Variants in TMEM132D observed in about 807,000 individuals in gnomAD.
TMEM132D encodes the protein mature OL transmembrane protein.
In TMEM132D, 21 loss-of-function variants were observed where a neutral mutation model predicts 62.3. The observed-to-expected ratio is 0.34, with a 90% confidence interval of 0.24 to 0.49. The LOEUF (loss-of-function observed/expected upper bound fraction) is 0.49. Among genes scored for constraint, TMEM132D ranks in the 20% least tolerant of loss-of-function variants. TMEM132D has a pLI of 0.99. For synonymous variants in TMEM132D, 621 were observed against 575.6 expected (o/e 1.08, Z -1.13); for missense variants, 1,346 against 1,402.8 (o/e 0.96, Z 0.65).
chr12:129,530,973 G>T, intron 3 of TMEM132D, 86 bp downstream of exon 3: 4 of 1,361,320 alleles, frequency 2.9e-6, no homozygotes, highest in Non-Finnish European at 3.0e-6. Flanking sequence ...CAGTGGAAAT[G>T]GTTGTTAGCA....
In TMEM132D at chr12:129,717,218, G is replaced by A. The variant is rs563221290; in HGVS notation, c.80-16520C>T. On this transcript the variant is annotated intron_variant, in intron 1 of 8. Transcript: ENST00000422113. Reference sequence around the variant, plus strand: ...TAATCCAGGAAGGCCATTTCTCTGTGTACAGATGAAGAAATTTAATCTACA... The same window carrying A: ...TAATCCAGGAAGGCCATTTCTCTGTATACAGATGAAGAAATTTAATCTACA... Among the ~76,000 whole-genome samples the A allele has an allele frequency of 3.3e-5, 5 of 152,272 alleles. No individual in the cohort carries two copies. The South Asian group carries it at 1.0e-3, about 32-fold the overall frequency.
At chr12:129,541,239 C>A (rs183589860) in intron 2 of TMEM132D, among the ~76,000 whole-genome samples, 1 of 152,130 alleles carries the variant, frequency 6.6e-6, no homozygotes, top group Non-Finnish European at 1.5e-5. Flanking sequence ...AAGGGAAATA[C>A]GTAGACATAC....
rs139848625 is a variant in TMEM132D, at chr12:129,241,826, T to C, written c.1300-32163A>G. On this transcript the variant is annotated intron_variant, in intron 4 of 8. Coordinates refer to ENST00000422113, the MANE Select transcript of TMEM132D (RefSeq NM_133448.3). ...CAAAACAGTAGTCTTCAGTTCCTAA[T>C]AGAATGCTTGGAGAGGAGATTATCA... Among the ~76,000 whole-genome samples the C allele has an allele frequency of 1.5e-3, 233 of 152,326 alleles. 3 individuals carry two copies. The highest frequency in any genetic ancestry group is 5.5e-3 in the African/African-American group (227 of 41,574).
intron 1 of TMEM132D, among the ~76,000 whole-genome samples, chr12:129,803,728 T>C: frequency 6.6e-6 from 1 of 151,618 alleles, no homozygotes; most frequent in Non-Finnish European, 1.5e-5. Flanking sequence ...AAAAAACCCT[T>C]CAAAAAATTA....
intron 2 of TMEM132D, among the ~76,000 whole-genome samples, chr12:129,643,833 A>C (rs1879701599): frequency 6.7e-6 from 1 of 148,836 alleles, no homozygotes; most frequent in South Asian, 2.2e-4. Context: ...AATTCCGAAC[A>C]GAACCAATGT....
At chr12:129,239,266 T>G (rs979447032) in intron 4 of TMEM132D, among the ~76,000 whole-genome samples, 1 of 152,248 alleles carries the variant, frequency 6.6e-6, no homozygotes, top group Non-Finnish European at 1.5e-5. Flanking sequence ...TTTTATGTGT[T>G]TAAGAAATCC....
intron 2 of TMEM132D, among the ~76,000 whole-genome samples, chr12:129,544,713 A>G (rs1876683118): frequency 6.6e-6 from 1 of 152,244 alleles, no homozygotes; most frequent in Admixed American, 6.5e-5. Flanking sequence ...AAGAAAAGAA[A>G]TGAAAAGAAA....
chr12:129,340,581 G>C (rs1297967712), intron 3 of TMEM132D, among the ~76,000 whole-genome samples: 1 of 151,718 alleles, frequency 6.6e-6, no homozygotes, highest in Non-Finnish European at 1.5e-5. Flanking sequence ...CCTTGCAATA[G>C]TTCACTGAGA....
chr12:129,692,336 C>T (rs559958271), intron 2 of TMEM132D, among the ~76,000 whole-genome samples: 10 of 152,224 alleles, frequency 6.6e-5, no homozygotes, highest in African/African-American at 2.2e-4. Context: ...GAAGAAAGAT[C>T]GTATGATTAT....
chr12:129,886,118 A>C (rs1874742215), intron 1 of TMEM132D, among the ~76,000 whole-genome samples: 1 of 152,254 alleles, frequency 6.6e-6, no homozygotes, highest in Non-Finnish European at 1.5e-5. Flanking sequence ...CACAATCAAA[A>C]CAATGAAAGG....
At chr12:129,160,538 A>T (rs544561154) in intron 5 of TMEM132D, among the ~76,000 whole-genome samples, 20 of 152,362 alleles carry the variant, frequency 1.3e-4, no homozygotes, top group African/African-American at 4.3e-4. Flanking sequence ...AACTAACATG[A>T]AGGAAGCCAG....
intron 3 of TMEM132D, among the ~76,000 whole-genome samples, chr12:129,525,102 AT>A (rs1418401040): frequency 6.8e-6 from 1 of 147,640 alleles, no homozygotes; most frequent in Non-Finnish European, 1.5e-5. Context: ...ATTTATTTGT[AT>A]TTTAGTAGAG....
intron 4 of TMEM132D, among the ~76,000 whole-genome samples, chr12:129,219,137 C>T (rs1879287398): frequency 6.6e-6 from 1 of 152,152 alleles, no homozygotes; most frequent in African/African-American, 2.4e-5. Flanking sequence ...TGTCCCCACC[C>T]AAATCTCACC....
Position 129,081,795 on chromosome 12 carries a change from G to T in TMEM132D, c.1887C>A (p.Ile629=), listed in dbSNP as rs60962336. 4 of 1,612,302 alleles carry T rather than the reference G, an allele frequency of 2.5e-6. No homozygotes were observed. The highest frequency in any genetic ancestry group is 3.4e-6 in the Non-Finnish European group (4 of 1,179,610). ...TCATCCCAAGCTCCTGCCCCATCAG[G>T]ATCTGTCCGCCTTGCAGCTTGGCGA... The part of the protein sequence containing the change: ...PRIAKLQGGQ[I]LMGQELGMTT... Residue 629 remains isoleucine, a synonymous_variant, in exon 7 of 9, where the codon ATC becomes ATA. Coordinates refer to ENST00000422113, the MANE Select transcript of TMEM132D (RefSeq NM_133448.3).
intron 3 of TMEM132D, among the ~76,000 whole-genome samples, chr12:129,424,473 G>A (rs1030132915): frequency 2.0e-5 from 3 of 151,888 alleles, no homozygotes; most frequent in African/African-American, 7.3e-5. Context: ...GGCCGAGACG[G>A]GCAGATCATG....
At chr12:129,407,765 G>C (rs779813080) in intron 3 of TMEM132D, among the ~76,000 whole-genome samples, 4 of 151,886 alleles carry the variant, frequency 2.6e-5, no homozygotes, top group Non-Finnish European at 5.9e-5. Context: ...AGCCGGGTGT[G>C]GTGGCGGGTG....
At chr12:129,249,341 T>G (rs1880205772) in intron 4 of TMEM132D, among the ~76,000 whole-genome samples, 1 of 152,220 alleles carries the variant, frequency 6.6e-6, no homozygotes, top group South Asian at 2.1e-4. Flanking sequence ...CTAGGCACCT[T>G]GCAGTTGCTT....
At chr12:129,663,607 A>T (rs190387464) in intron 2 of TMEM132D, among the ~76,000 whole-genome samples, 207 of 152,346 alleles carry the variant, frequency 1.4e-3, no homozygotes, top group Non-Finnish European at 1.1e-3. Context: ...GTGTAGGCTA[A>T]AACAGAACTG....
intron 1 of TMEM132D, among the ~76,000 whole-genome samples, chr12:129,798,195 G>A (rs968795335): frequency 6.6e-6 from 1 of 152,134 alleles, no homozygotes; most frequent in Non-Finnish European, 1.5e-5. Context: ...ACAGCCTACA[G>A]AACCGTGAGC....
Sources: gnomAD v4.1 joint callset for allele counts (sites outside exome capture counted in the v4.1 genomes callset) on GRCh38, gnomAD v4.1.1 for gene constraint, MANE v1.5 for transcripts, NCBI Gene and HGNC (gene_info 2026-07-23, HGNC 2026-07-21) for gene names.